The following ABCB5 variants were observed in gnomAD, a reference collection of about 807,000 sequenced individuals.
ABCB5 encodes ATP-binding cassette sub-family B member 5.
Under a neutral mutation model 144.2 loss-of-function variants are expected in ABCB5, and 155 were observed. That is an observed-to-expected ratio of 1.08 (90% CI 0.94 to 1.23). The LOEUF (loss-of-function observed/expected upper bound fraction) is 1.23. ABCB5 is among the 50% of genes most tolerant of loss of function. ABCB5 has a pLI of 0.00. For synonymous variants in ABCB5, 610 were observed against 528.6 expected, an observed-to-expected ratio of 1.15 and a Z score of -2.11; for missense variants, 1,830 against 1,520.8, an observed-to-expected ratio of 1.20 and a Z score of -3.38.
Position 20,707,782 on chromosome 7 carries a change from G to A in ABCB5, c.2421+2975G>A, listed in dbSNP as rs529915624. ...GTTAGAACTAAGATATTATTACCTG[G>A]ACAATGGTAACCTCATTTCTTTTTT... On this transcript the variant is annotated intron_variant, in intron 20 of 27. Coordinates refer to ENST00000404938, the MANE Select transcript of ABCB5 (RefSeq NM_001163941.2). Among the ~76,000 whole-genome samples the A allele has an allele frequency of 6.7e-5, 10 of 149,930 alleles. No homozygotes were observed. The South Asian group carries it at 1.1e-3, about 16-fold the overall frequency.
chr7:20,743,151 C>T (rs1388969895), intron 25 of ABCB5, 77 bp downstream of exon 25: 1 of 1,491,698 alleles, frequency 6.7e-7, no homozygotes, highest in African/African-American at 1.4e-5. Flanking sequence ...CTTAAGCATC[C>T]CCACTGGTTT....
chr7:20,749,016 T>C (rs1444785161), intron 26 of ABCB5, among the ~76,000 whole-genome samples: 1 of 152,208 alleles, frequency 6.6e-6, no homozygotes, highest in Non-Finnish European at 1.5e-5. Context: ...CCTCAAAATT[T>C]ACTTTCCCTG....
At chr7:20,628,369 T>C (rs1266793034) in intron 3 of ABCB5, among the ~76,000 whole-genome samples, 1 of 152,178 alleles carries the variant, frequency 6.6e-6, no homozygotes, top group African/African-American at 2.4e-5. Flanking sequence ...TAGTAGTCCA[T>C]GGTGTATATG....
chr7:20,706,913 T>A (rs914131704), intron 20 of ABCB5, among the ~76,000 whole-genome samples: 2 of 152,196 alleles, frequency 1.3e-5, no homozygotes, highest in East Asian at 3.8e-4. Context: ...TGAGACTGTG[T>A]CTAATAAAAT....
At chr7:20,655,317 C>A (rs1433216652) in intron 13 of ABCB5, among the ~76,000 whole-genome samples, 1 of 151,888 alleles carries the variant, frequency 6.6e-6, no homozygotes, top group Non-Finnish European at 1.5e-5. Context: ...ACTAAAAATA[C>A]AAAAAATTAG....
rs201306674 is a variant in ABCB5, at chr7:20,656,905, CCTTTTT to C, written c.1537-1594_1537-1589del. On this transcript the variant is annotated intron_variant, in intron 13 of 27. Transcript: ENST00000404938. The stretch of plus-strand genomic sequence containing the variant: ...TGTGATAGATCTAATTTTTCTTTTT[CCTTTTT>C]CTTTTTTTTTTTTTTTTTTTTGATA... Among the ~76,000 whole-genome samples, 459 of 123,584 alleles carry C rather than the reference CCTTTTT, an allele frequency of 3.7e-3. 7 individuals carry two copies. The highest frequency in any genetic ancestry group is 0.014 in the African/African-American group (391 of 27,252). 81.1% of individuals were successfully genotyped at this position (123,584 alleles called of 152,430 possible). A position where few individuals can be genotyped will look rare whatever the true frequency, so the allele number is the denominator to read the frequency against.
chr7:20,664,090 A>G (rs957816674), intron 14 of ABCB5, among the ~76,000 whole-genome samples: 1 of 152,012 alleles, frequency 6.6e-6, no homozygotes, highest in African/African-American at 2.4e-5. Flanking sequence ...ACAAAAGAAC[A>G]GTGAAAAAAA....
At chr7:20,645,549 C>A (rs894828067) in intron 7 of ABCB5, among the ~76,000 whole-genome samples, 5 of 152,164 alleles carry the variant, frequency 3.3e-5, no homozygotes, top group Non-Finnish European at 7.4e-5. Context: ...ATCAGGTAAA[C>A]CTGTCTAGTC....
At chr7:20,674,386 A>T (rs1488572494) in intron 14 of ABCB5, among the ~76,000 whole-genome samples, 1 of 151,894 alleles carries the variant, frequency 6.6e-6, no homozygotes, top group Non-Finnish European at 1.5e-5. Flanking sequence ...ATAGAGTTTT[A>T]GCCTGAAAGT....
chr7:20,628,922 T>G, intron 4 of ABCB5, 84 bp downstream of exon 4: 1 of 1,440,836 alleles, frequency 6.9e-7, no homozygotes, highest in Non-Finnish European at 9.5e-7. Context: ...GCAAGGCAGA[T>G]TATTGTATTG....
At chr7:20,636,125 C>T (rs1784150344) in intron 5 of ABCB5, among the ~76,000 whole-genome samples, 1 of 152,034 alleles carries the variant, frequency 6.6e-6, no homozygotes, top group African/African-American at 2.4e-5. Flanking sequence ...TTGCTGCAGC[C>T]TCAACTTTCT....
rs1784393547 is a variant in ABCB5 at position 20,645,881 on chromosome 7, G to T, written c.803+1G>T. 1 of 1,613,124 alleles carries T rather than the reference G, an allele frequency of 6.2e-7. No individual in the cohort carries two copies. Among genetic ancestry groups the T allele is most frequent in the East Asian group, 2.2e-5 (1 of 44,884 alleles). Reference sequence around the variant, plus strand: ...GGGCCCAGGAGAAAGAACTTCAAAGGTCTTTCCTTTTAAATATAACAAGAT... The same window carrying T: ...GGGCCCAGGAGAAAGAACTTCAAAGTTCTTTCCTTTTAAATATAACAAGAT... On this transcript the variant is annotated splice_donor_variant, in intron 8 of 27. Transcript: ENST00000404938. LOFTEE classifies it high-confidence loss of function.
Position 20,676,590 on chromosome 7 carries a change from G to A in ABCB5, c.1708-4915G>A, listed in dbSNP as rs74708314. On this transcript the variant is annotated intron_variant, in intron 14 of 27. Coordinates refer to ENST00000404938, the MANE Select transcript of ABCB5 (RefSeq NM_001163941.2). ...TAGGATGGTGGCTGCTAGGGAATGA[G>A]CAGGGAGAGAAACAGGGAATTGCTG... Among the ~76,000 whole-genome samples the A allele has an allele frequency of 9.3e-4, 142 of 152,236 alleles. 1 individual carries two copies. The East Asian group carries it at 0.023, about 24-fold the overall frequency.
At chr7:20,712,325 T>A (rs960032507) in intron 20 of ABCB5, among the ~76,000 whole-genome samples, 1 of 149,212 alleles carries the variant, frequency 6.7e-6, no homozygotes, top group African/African-American at 2.5e-5. Flanking sequence ...GACTTTGAAA[T>A]GTGATTGTGA....
chr7:20,731,301 C>T (rs919591667), intron 23 of ABCB5, among the ~76,000 whole-genome samples: 20 of 146,506 alleles, frequency 1.4e-4, no homozygotes, highest in Admixed American at 3.5e-4. Context: ...TGCAGTGAGC[C>T]GAGATCACAC....
In ABCB5 at chr7:20,700,176, T is replaced by G. The variant is rs201387354; in HGVS notation, c.2337+41T>G. 4.1e-6 allele frequency: 6 copies of G among 1,473,712 alleles called. No individual in the cohort carries two copies. In the African/African-American group the frequency reaches 7.2e-5, roughly 18 times the overall value. The allele number at this position is 1,473,712 out of a possible 1,614,324, so 91.3% of individuals were successfully genotyped here. A position where few individuals can be genotyped will look rare whatever the true frequency, so the allele number is the denominator to read the frequency against. Reference sequence around the variant, plus strand: ...ATTTTTTTTTTATTTTATTTAAAATTTATTGTAAAACATTCTAGCTTTAAT... The same window carrying G: ...ATTTTTTTTTTATTTTATTTAAAATGTATTGTAAAACATTCTAGCTTTAAT... On this transcript the variant is annotated intron_variant, in intron 19 of 27. Coordinates refer to ENST00000404938, the MANE Select transcript of ABCB5 (RefSeq NM_001163941.2).
chr7:20,711,856 TCTTTCCTTCCTCCCTC>T (rs1562573867), intron 20 of ABCB5, among the ~76,000 whole-genome samples: 13 of 76,816 alleles, frequency 1.7e-4, no homozygotes, highest in South Asian at 5.2e-4. Flanking sequence ...TTTCTTTCTT[TCTTTCCTTCCTCCCTC>T]CCTCCCTCCC....
At chr7:20,648,592 G>A (rs575144693) in intron 11 of ABCB5, among the ~76,000 whole-genome samples, 49 of 152,232 alleles carry the variant, frequency 3.2e-4, no homozygotes, top group African/African-American at 1.2e-3. Context: ...GAAAATGTGT[G>A]TCTTTTTTAT....
intron 25 of ABCB5, among the ~76,000 whole-genome samples, chr7:20,743,642 T>C (rs1782628980): frequency 6.6e-6 from 1 of 152,056 alleles, no homozygotes; most frequent in Non-Finnish European, 1.5e-5. Flanking sequence ...GTTTTTCCAT[T>C]ACCTTGTCCT....
Sources: gnomAD v4.1 joint callset for allele counts (sites outside exome capture counted in the v4.1 genomes callset) on GRCh38, gnomAD v4.1.1 for gene constraint, MANE v1.5 for transcripts, NCBI Gene and HGNC (gene_info 2026-07-23, HGNC 2026-07-21) for gene names.